PHF20L1: variants seen among roughly 807,000 people sequenced by gnomAD.
PHF20L1 encodes PHD finger protein 20-like protein 1.
In PHF20L1, 44 loss-of-function variants were observed where a neutral mutation model predicts 125.5. The ratio of observed to expected loss-of-function variants is 0.35; its 90% CI spans 0.28 to 0.45. The LOEUF is 0.45. Ranked by LOEUF, PHF20L1 falls within the 20% of genes least tolerant of loss-of-function variation. The pLI, the probability that PHF20L1 is intolerant of heterozygous loss-of-function variation, is 1.00. For synonymous variants in PHF20L1, 380 were observed against 403.1 expected, an observed-to-expected ratio of 0.94 and a Z score of 0.69; for missense variants, 1,012 against 1,217.2, an observed-to-expected ratio of 0.83 and a Z score of 2.51.
chr8:132,827,885 A>G (rs1267510019), intron 14 of PHF20L1, among the ~76,000 whole-genome samples: 1 of 152,074 alleles, frequency 6.6e-6, no homozygotes, highest in African/African-American at 2.4e-5. Context: ...ATGCACAGAA[A>G]CATTGCTGTT....
chr8:132,825,560 A>G (rs1836082108), intron 14 of PHF20L1, among the ~76,000 whole-genome samples, 189 bp downstream of exon 14: 2 of 151,938 alleles, frequency 1.3e-5, no homozygotes, highest in Non-Finnish European at 2.9e-5. Flanking sequence ...CTGGCCTATA[A>G]TTGTTGCACT....
At position 132,804,750 on chromosome 8, in the gene PHF20L1, A is replaced by G. The variant is rs1833483238; in HGVS notation, c.847+10A>G. The G allele has an allele frequency of 1.9e-6, 3 of 1,584,308 alleles. No homozygotes were observed. In the African/African-American group the frequency reaches 4.1e-5, roughly 22 times the overall value. ...CTTAACAAGATTACTGGTAAACTAC[A>G]ATGATTTTTTTTTTGAGGGGGGGAA... is the stretch of plus-strand genomic sequence containing the variant. On this transcript the variant is annotated intron_variant, in intron 8 of 20. Transcript: ENST00000395386.
In PHF20L1 at chr8:132,847,336, AGG is replaced by A. The variant is rs1838491996; in HGVS notation, c.*1416_*1417del. 6.6e-6 allele frequency: 1 copy of A among 152,610 alleles called. No homozygotes were observed. The highest frequency in any genetic ancestry group is 1.5e-5 in the Non-Finnish European group (1 of 68,012). The allele number at this position is 152,610 out of a possible 1,614,324, so 9.5% of individuals were successfully genotyped here. ...GTATAGGTTTTGAAATTTTTTTAAAAGGGGAGAAAGACTGTTAAGAGGAGGCT... is the reference window on the plus strand; with the variant it reads ...GTATAGGTTTTGAAATTTTTTTAAAAGGAGAAAGACTGTTAAGAGGAGGCT... On this transcript the variant is annotated 3_prime_UTR_variant, in exon 21 of 21. Transcript: ENST00000395386.
At chr8:132,798,315 T>C (rs1401673753) in intron 4 of PHF20L1, among the ~76,000 whole-genome samples, 1 of 152,070 alleles carries the variant, frequency 6.6e-6, no homozygotes, top group Non-Finnish European at 1.5e-5. Flanking sequence ...TTTGTTGTTA[T>C]TGCCCAAGGA....
Position 132,799,078 on chromosome 8 carries a change from A to G in PHF20L1, c.430-17A>G. On this transcript the variant is annotated splice_polypyrimidine_tract_variant and intron_variant, in intron 5 of 20. Transcript: ENST00000395386. ...TTTAGACCTGCTAAAGTTATAGGTCACTAGTTTCTGTTCCAGGTGAAATCC... is the reference window on the plus strand; with the variant it reads ...TTTAGACCTGCTAAAGTTATAGGTCGCTAGTTTCTGTTCCAGGTGAAATCC... The G allele has an allele frequency of 6.2e-7, 1 of 1,602,052 alleles. No individual in the cohort carries two copies. Among genetic ancestry groups the G allele is most frequent in the Non-Finnish European group, 8.5e-7 (1 of 1,171,102 alleles).
intron 2 of PHF20L1, among the ~76,000 whole-genome samples, chr8:132,791,740 C>A (rs1831734188): frequency 6.6e-6 from 1 of 152,072 alleles, no homozygotes; most frequent in Admixed American, 6.6e-5. Flanking sequence ...AGAGAAGAAT[C>A]TTGGGTATCT....
intron 9 of PHF20L1, chr8:132,811,526 G>A (rs1834388707): frequency 1.0e-6 from 1 of 985,666 alleles, no homozygotes; most frequent in African/African-American, 1.8e-5. Flanking sequence ...GTAACAATTG[G>A]TGTTGTTAGA....
rs1039877259 is a variant in PHF20L1 at position 132,843,939 on chromosome 8, A to G, written c.2749-217A>G. On this transcript the variant is annotated intron_variant, in intron 19 of 20. Coordinates refer to ENST00000395386, the MANE Select transcript of PHF20L1 (RefSeq NM_016018.5). ...GAAGCCTTCTTGCCTGTGTAGCACCATGCGAGGCATAGTGGAGGGAGGTGG... is the reference window on the plus strand; with the variant it reads ...GAAGCCTTCTTGCCTGTGTAGCACCGTGCGAGGCATAGTGGAGGGAGGTGG... 7.1e-6 allele frequency: 7 copies of G among 985,140 alleles called. No individual in the cohort carries two copies. In the African/African-American group the frequency reaches 1.0e-4, roughly 15 times the overall value. The allele number at this position is 985,140 out of a possible 1,614,324, so 61.0% of individuals were successfully genotyped here. A position where few individuals can be genotyped will look rare whatever the true frequency, so the allele number is the denominator to read the frequency against.
chr8:132,812,771 G>C, intron 9 of PHF20L1: 1 of 983,702 alleles, frequency 1.0e-6, no homozygotes, highest in Non-Finnish European at 1.2e-6. Flanking sequence ...AGACCTAAAG[G>C]AGAGGTATTG....
At chr8:132,800,516 A>G (rs967401476) in intron 6 of PHF20L1, among the ~76,000 whole-genome samples, 2 of 151,556 alleles carry the variant, frequency 1.3e-5, no homozygotes, top group South Asian at 2.1e-4. Flanking sequence ...AGGGGGGCCT[A>G]TCTTGTATAA....
At chr8:132,784,226 A>AT (rs1460709444) in intron 2 of PHF20L1, among the ~76,000 whole-genome samples, 5 of 152,082 alleles carry the variant, frequency 3.3e-5, no homozygotes, top group Non-Finnish European at 7.4e-5. Context: ...TTTTATGTTA[A>AT]TTCGTTTTTT....
chr8:132,814,464 A>G (rs775257671), intron 9 of PHF20L1, among the ~76,000 whole-genome samples, 173 bp from the exon 10 acceptor site: 12 of 151,986 alleles, frequency 7.9e-5, no homozygotes, highest in Non-Finnish European at 1.5e-4. Flanking sequence ...AGCCTATTCA[A>G]CTTTTAGTTA....
In PHF20L1 at chr8:132,837,828, C is replaced by A; in HGVS notation, c.2191+17C>A. ...ACCCACCAGGTAAGGCTTTCTGTGCCGTGCTGATTGCCAGGATGCCTCTAT... is the reference window on the plus strand; with the variant it reads ...ACCCACCAGGTAAGGCTTTCTGTGCAGTGCTGATTGCCAGGATGCCTCTAT... On this transcript the variant is annotated intron_variant, in intron 17 of 20. Coordinates refer to ENST00000395386, the MANE Select transcript of PHF20L1 (RefSeq NM_016018.5). The A allele has an allele frequency of 6.4e-7, 1 of 1,567,648 alleles. No homozygotes were observed. Among genetic ancestry groups the A allele is most frequent in the Non-Finnish European group, 8.8e-7 (1 of 1,138,886 alleles).
chr8:132,803,392 T>A (rs1384911338), intron 6 of PHF20L1: 4 of 155,884 alleles, frequency 2.6e-5, no homozygotes, highest in Non-Finnish European at 5.7e-5. Flanking sequence ...AATACACTAT[T>A]TTTAATCTTT....
At chr8:132,830,567 A>G (rs1046741402) in intron 14 of PHF20L1, among the ~76,000 whole-genome samples, 2 of 151,760 alleles carry the variant, frequency 1.3e-5, no homozygotes, top group Non-Finnish European at 2.9e-5. Context: ...TCCACCTCTC[A>G]TGTATTCCCT....
chr8:132,783,663 A>G (rs977182505), intron 2 of PHF20L1, among the ~76,000 whole-genome samples: 1 of 152,172 alleles, frequency 6.6e-6, no homozygotes, highest in African/African-American at 2.4e-5. Context: ...ATTAATATGC[A>G]TGCAGTTTTT....
At position 132,845,866 on chromosome 8, in the gene PHF20L1, A is replaced by G. The variant is rs1182441944; in HGVS notation, c.2997A>G (p.Lys999=). ...TGCCCCAACTTAAACGCCACATAAAACAGCTCCTAATTGACATGGGCAAAG... is the reference window on the plus strand; with the variant it reads ...TGCCCCAACTTAAACGCCACATAAAGCAGCTCCTAATTGACATGGGCAAAG... ...ARLPQLKRHI[K]QLLIDMGKVQ... is the part of the protein sequence containing the mutation. Residue 999 remains lysine, a synonymous_variant, in exon 21 of 21, where the codon AAA becomes AAG. Transcript: ENST00000395386. The G allele has an allele frequency of 4.3e-6, 7 of 1,612,270 alleles. No individual in the cohort carries two copies. The African/African-American group carries it at 6.7e-5, about 15-fold the overall frequency.
In PHF20L1 at chr8:132,822,710, A is replaced by G. The variant is rs72725189; in HGVS notation, c.1580-1294A>G. ...CCTTTCATTTTTTCTGTCATAACAA[A>G]TGGAGATTATTGGTATTCTTATTTA... On this transcript the variant is annotated intron_variant, in intron 12 of 20. Coordinates refer to ENST00000395386, the MANE Select transcript of PHF20L1 (RefSeq NM_016018.5). 8.1e-3 allele frequency among the ~76,000 whole-genome samples: 1,231 copies of G among 152,084 alleles called. 19 individuals are homozygous for G. The highest frequency in any genetic ancestry group is 0.014 in the Non-Finnish European group (964 of 67,924).
chr8:132,839,280 AG>A, intron 17 of PHF20L1, 106 bp from the exon 18 acceptor site: 1 of 801,724 alleles, frequency 1.2e-6, no homozygotes, highest in East Asian at 2.5e-5. Flanking sequence ...ATCTGCTCCT[AG>A]TGCTAGAGCT....
Sources: gnomAD v4.1 joint callset for allele counts (sites outside exome capture counted in the v4.1 genomes callset) on GRCh38, gnomAD v4.1.1 for gene constraint, MANE v1.5 for transcripts, NCBI Gene and HGNC (gene_info 2026-07-23, HGNC 2026-07-21) for gene names.